SPTAN1: variants seen among roughly 807,000 people sequenced by gnomAD.
The protein encoded by SPTAN1 is spectrin alpha chain, non-erythrocytic 1.
Under a neutral mutation model 331.3 loss-of-function variants are expected in SPTAN1, and 61 were observed. The observed-to-expected ratio is 0.18, with a 90% confidence interval of 0.15 to 0.23. SPTAN1 has a LOEUF of 0.23. SPTAN1 is among the 10% of genes least tolerant of loss of function. The probability of loss-of-function intolerance (pLI) is 1.00; values close to 1 mark genes in which losing one functional copy is unlikely to be tolerated. For missense variants in SPTAN1, 2,043 were observed against 3,147.9 expected (o/e 0.65, Z 8.40); for synonymous variants, 1,153 against 1,173.9 (o/e 0.98, Z 0.36).
intron 37 of SPTAN1, chr9:128,611,486 A>C: frequency 1.9e-6 from 1 of 522,844 alleles, no homozygotes; most frequent in Non-Finnish European, 3.4e-6. Flanking sequence ...AAGGACTTCC[A>C]GTTCATCTAC....
At chr9:128,624,906 A>T in intron 46 of SPTAN1, 197 bp from the exon 47 acceptor site, 1 of 647,964 alleles carries the variant, frequency 1.5e-6, no homozygotes, top group African/African-American at 1.8e-5. Flanking sequence ...GACGGGCTGC[A>T]GGGAGCTCGT....
chr9:128,633,595 TTCTC>T lies in SPTAN1; in HGVS notation c.*266_*269del. On this transcript the variant is annotated 3_prime_UTR_variant, in exon 57 of 57. Transcript: ENST00000372739. ...TCGAAGCAGCTGGCTCCTCCCCTTG[TTCTC>T]TCTCCCACCCTCCCCCAAATCTGTT... The T allele has an allele frequency of 6.3e-6, 7 of 1,114,466 alleles. No individual in the cohort carries two copies. The highest frequency in any genetic ancestry group is 9.1e-6 in the Non-Finnish European group (7 of 772,898). The allele number at this position is 1,114,466 out of a possible 1,614,324, so 69.0% of individuals were successfully genotyped here.
At position 128,617,721 on chromosome 9, in the gene SPTAN1, G is replaced by T. The variant is rs766924448; in HGVS notation, c.5439G>T (p.Arg1813=). The T allele has an allele frequency of 3.5e-5, 56 of 1,614,070 alleles. No homozygotes were observed. The highest frequency in any genetic ancestry group is 2.3e-4 in the African/African-American group (17 of 74,940). ...GVQNLRKKHK[R]LEAELAAHEP... ...AGAACCTGAGGAAGAAGCACAAGCG[G>T]CTGGAAGCAGAACTGGCTGCGCATG... Residue 1813 remains arginine, a synonymous_variant, in exon 42 of 57, where the codon CGG becomes CGT. Transcript: ENST00000372739.
Position 128,607,832 on chromosome 9 carries a change from C to T in SPTAN1, c.4147-20C>T. ...GGGCATCTGCTGCCAGTTACCTAATCCCTTCCCTCCTTTTGGCAGGAACAC... is the reference window on the plus strand; with the variant it reads ...GGGCATCTGCTGCCAGTTACCTAATTCCTTCCCTCCTTTTGGCAGGAACAC... On this transcript the variant is annotated intron_variant, in intron 32 of 56. Coordinates refer to ENST00000372739, the MANE Select transcript of SPTAN1 (RefSeq NM_001130438.3). The T allele has an allele frequency of 6.2e-7, 1 of 1,613,746 alleles. No individual in the cohort carries two copies. The highest frequency in any genetic ancestry group is 8.5e-7 in the Non-Finnish European group (1 of 1,180,008).
chr9:128,588,884 C>G lies in SPTAN1; in HGVS notation c.2947C>G (p.Pro983Ala). ...LALYDYQEKS[P>A]REVTMKKGDI... is the part of the protein sequence containing the mutation. ...TCTCTACGACTATCAGGAGAAGAGT[C>G]CCCGAGAGGTCACCATGAAGAAGGG... The change falls in exon 21 of 57, where the codon CCC becomes GCC. Residue 983 changes from proline to alanine, a missense_variant. Transcript: ENST00000372739. 6.2e-7 allele frequency: 1 copy of G among 1,614,134 alleles called. No individual in the cohort carries two copies. The highest frequency in any genetic ancestry group is 1.1e-5 in the South Asian group (1 of 91,074).
chr9:128,601,011 T>G (rs1278749084), intron 27 of SPTAN1, among the ~76,000 whole-genome samples: 2 of 125,176 alleles, frequency 1.6e-5, no homozygotes, highest in African/African-American at 6.1e-5. Context: ...TGAGACGGAG[T>G]CTCGCTCTGT....
chr9:128,618,848 T>G (rs1227528668), intron 43 of SPTAN1, 23 bp from the exon 44 acceptor site: 61 of 1,614,010 alleles, frequency 3.8e-5, no homozygotes, highest in Non-Finnish European at 5.1e-5. Flanking sequence ...ATGGCTGATT[T>G]TCTTCCTGTC....
Position 128,594,206 on chromosome 9 carries a change from C to A in SPTAN1, c.3247C>A (p.Arg1083Ser), listed in dbSNP as rs750290385. Reference protein sequence around the residue: ...YHSLLELGEKRKGMLEKSCKK... With the variant: ...YHSLLELGEKSKGMLEKSCKK... ...TTCTCTGCTGGAACTGGGTGAGAAG[C>A]GTAAAGGCATGTTGGAGAAGAGTTG... Residue 1083 changes from arginine (R) to serine (S), a missense_variant, in exon 24 of 57, where the codon CGT becomes AGT. Physicochemically the swap from Arg to Ser is moderately radical, Grantham distance 110. Around this residue, in one of 12 missense-constraint regions of SPTAN1, gnomAD observed 1,038 missense variants for 1,531.5 expected, o/e 0.68. Coordinates refer to ENST00000372739, the MANE Select transcript of SPTAN1 (RefSeq NM_001130438.3). 3 of 1,614,102 alleles carry A rather than the reference C, an allele frequency of 1.9e-6. No individual in the cohort carries two copies. In the South Asian group the frequency reaches 3.3e-5, roughly 18 times the overall value.
rs751104914 is a variant in SPTAN1, at chr9:128,583,199, C to T, written c.1929C>T (p.His643=). 7.4e-6 allele frequency: 12 copies of T among 1,614,004 alleles called. No homozygotes were observed. Among genetic ancestry groups the T allele is most frequent in the Non-Finnish European group, 9.3e-6 (11 of 1,180,042 alleles). The part of the protein sequence containing the change: ...KAGQKLIDVN[H]YAKDEVAARM... ...GCCAAAAGCTGATTGATGTCAACCA[C>T]TATGCCAAGGATGAAGTGGCAGCTC... Residue 643 remains histidine (H), a synonymous_variant, in exon 15 of 57, where the codon CAC becomes CAT. Transcript: ENST00000372739.
In SPTAN1 at chr9:128,577,380, G is replaced by A. The variant is rs140076136; in HGVS notation, c.959G>A (p.Arg320His). The stretch of plus-strand genomic sequence containing the variant: ...AAAGCCCTGTGTGCTGAGGCTGACC[G>A]CCTGCAACAGTCCCACCCTCTGAGT... ...KVKALCAEADRLQQSHPLSAT... is the reference protein window; with the variant it reads ...KVKALCAEADHLQQSHPLSAT... The change falls in exon 8 of 57, where the codon CGC (arginine) becomes CAC (histidine). Residue 320 changes from arginine to histidine, a missense_variant. By Grantham distance (29) the Arg-to-His change is conservative. Transcript: ENST00000372739. This position sits in a 1 kb window ranked among gnomAD's most constrained non-coding sequence, Gnocchi z 4.2. 240 of 1,614,068 alleles carry A rather than the reference G, an allele frequency of 1.5e-4. No homozygotes were observed. The highest frequency in any genetic ancestry group is 1.9e-4 in the Non-Finnish European group (223 of 1,180,036).
chr9:128,611,683 G>A (rs367863141), intron 37 of SPTAN1, 31 bp from the exon 38 acceptor site: 95 of 1,612,540 alleles, frequency 5.9e-5, no homozygotes, highest in Non-Finnish European at 7.6e-5. Context: ...AGCAGGAACT[G>A]GTTTGGAAAA....
rs1203071393 is a variant in SPTAN1 at position 128,577,587 on chromosome 9, T to C, written c.1085+81T>C. ...AGGAATAGCAGAGTTAAGGGTCTGT[T>C]CTGTGTTCTGTGAAAGTGTCAGGTA... On this transcript the variant is annotated intron_variant, in intron 8 of 56. Transcript: ENST00000372739. The surrounding 1 kb of genome is among the most constrained non-coding windows in gnomAD (Gnocchi z 4.2). 2 of 1,580,902 alleles carry C rather than the reference T, an allele frequency of 1.3e-6. No individual in the cohort carries two copies. The highest frequency in any genetic ancestry group is 2.2e-5 in the East Asian group (1 of 44,780).
At position 128,602,697 on chromosome 9, in the gene SPTAN1, G is replaced by A. The variant is rs150585404; in HGVS notation, c.3580-846G>A. Among the ~76,000 whole-genome samples, 163 of 151,848 alleles carry A rather than the reference G, an allele frequency of 1.1e-3. 2 individuals are homozygous for A. In the East Asian group the frequency reaches 0.024, roughly 22 times the overall value. On this transcript the variant is annotated intron_variant, in intron 27 of 56. Coordinates refer to ENST00000372739, the MANE Select transcript of SPTAN1 (RefSeq NM_001130438.3). ...GTTGCCCAGGCTGGAGTGCAGTGGC[G>A]CAATCTCAGCTCACTGCAACCTCTG... is the stretch of plus-strand genomic sequence containing the variant.
chr9:128,612,216 G>A lies in SPTAN1; in HGVS notation c.5013G>A (p.Gly1671=), dbSNP rs886063506. The A allele has an allele frequency of 1.2e-6, 2 of 1,614,040 alleles. No homozygotes were observed. The highest frequency in any genetic ancestry group is 1.7e-6 in the Non-Finnish European group (2 of 1,180,058). Residue 1671 remains glycine, a synonymous_variant, in exon 39 of 57, where the codon GGG becomes GGA. Transcript: ENST00000372739. The stretch of plus-strand genomic sequence containing the variant: ...ACAAGCAGCAGAACTTCAACACAGG[G>A]ATCAAGGACTTTGACTTCTGGCTGT... ...EANKQQNFNT[G]IKDFDFWLSE...
intron 34 of SPTAN1, 124 bp from the exon 35 acceptor site, chr9:128,608,732 CTTCTAAAGTGTCAGTGTA>C (rs1414187446): frequency 6.0e-6 from 5 of 838,290 alleles, no homozygotes; most frequent in Non-Finnish European, 8.2e-6. Flanking sequence ...TACACTCTTG[CTTCTAAAGTGTCAGTGTA>C]TTCTGATCCT....
At chr9:128,565,132 A>G (rs1057119417) in intron 1 of SPTAN1, among the ~76,000 whole-genome samples, 4 of 152,094 alleles carry the variant, frequency 2.6e-5, no homozygotes, top group African/African-American at 7.2e-5. Flanking sequence ...GTGAAACCCC[A>G]TCTCTACGAA....
intron 22 of SPTAN1, 41 bp from the exon 23 acceptor site, chr9:128,592,942 C>T (rs376241751): frequency 3.9e-5 from 61 of 1,576,150 alleles, no homozygotes; most frequent in Non-Finnish European, 5.1e-5. Context: ...GGATTAACCC[C>T]ACTAATTCGT....
intron 45 of SPTAN1, among the ~76,000 whole-genome samples, chr9:128,622,898 G>A (rs1385671534): frequency 2.6e-5 from 4 of 151,128 alleles, no homozygotes; most frequent in Admixed American, 2.0e-4. Context: ...GGTTACAGGC[G>A]CCTGCCACCA....
In SPTAN1 at chr9:128,598,495, G is replaced by A. The variant is rs935038001; in HGVS notation, c.3510G>A (p.Val1170=). ...EGLMAEEVQA[V]QQQEVYGMMP... is the part of the protein sequence containing the mutation. ...TCATGGCAGAGGAGGTGCAGGCTGT[G>A]CAACAACAGGTAGGTGTCTCCATCT... Residue 1170 remains valine, a synonymous_variant, in exon 25 of 57, where the codon GTG becomes GTA. Coordinates refer to ENST00000372739, the MANE Select transcript of SPTAN1 (RefSeq NM_001130438.3). 1.8e-5 allele frequency: 29 copies of A among 1,606,820 alleles called. No homozygotes were observed. Among genetic ancestry groups the A allele is most frequent in the Non-Finnish European group, 2.4e-5 (28 of 1,176,450 alleles).
Sources: gnomAD v4.1 joint callset for allele counts (sites outside exome capture counted in the v4.1 genomes callset) on GRCh38, gnomAD v4.1.1 for gene constraint, gnomAD v4.1.1 regional missense constraint, Gnocchi (gnomAD v3.1) non-coding constraint, MANE v1.5 for transcripts, NCBI Gene and HGNC (gene_info 2026-07-23, HGNC 2026-07-21) for gene names.